Variants in AGL observed in about 807,000 individuals in gnomAD.
The protein encoded by AGL is glycogen debranching enzyme.
Under a neutral mutation model 199.3 loss-of-function variants are expected in AGL, and 128 were observed. The ratio of observed to expected loss-of-function variants is 0.64; its 90% CI spans 0.56 to 0.74. AGL has a LOEUF of 0.74. Ranked by LOEUF, AGL falls within the 30% of genes least tolerant of loss-of-function variation. AGL has a pLI of 0.00. For missense variants in AGL, 1,809 were observed against 1,820.8 expected, an observed-to-expected ratio of 0.99 and a Z score of 0.12; for synonymous variants, 584 against 594.7, an observed-to-expected ratio of 0.98 and a Z score of 0.26.
At chr1:99,857,847 A>AGAGGGAGACCGTGGGGAGGGGGTGGGGGG (rs1557743553) in intron 2 of AGL, among the ~76,000 whole-genome samples, 5 of 8,226 alleles carry the variant, frequency 6.1e-4, no homozygotes, top group African/African-American at 9.6e-4. Flanking sequence ...GGGGAGGGGG[A>AGAGGGAGACCGTGGGGAGGGGGTGGGGGG]GGGGGGAAGA....
intron 7 of AGL, among the ~76,000 whole-genome samples, chr1:99,871,849 AAT>A (rs1337140318): frequency 6.6e-6 from 1 of 152,164 alleles, no homozygotes; most frequent in Non-Finnish European, 1.5e-5. Context: ...TGTGTAAGAA[AAT>A]AGAATGTATG....
At position 99,921,658 on chromosome 1, in the gene AGL, A is replaced by T. The variant is rs1408655509; in HGVS notation, c.*7A>T. On this transcript the variant is annotated 3_prime_UTR_variant, in exon 34 of 34. Transcript: ENST00000361915. The stretch of plus-strand genomic sequence containing the variant: ...GACACTTTATGATTTATAGTTTATT[A>T]CAGATATTAAGTATGCAATTACTTG... 2 of 1,575,428 alleles carry T rather than the reference A, an allele frequency of 1.3e-6. No homozygotes were observed. Among genetic ancestry groups the T allele is most frequent in the South Asian group, 1.1e-5 (1 of 90,140 alleles).
At chr1:99,887,893 A>G (rs890302865) in intron 20 of AGL, 85 bp from the exon 21 acceptor site, 21 of 1,476,282 alleles carry the variant, frequency 1.4e-5, no homozygotes, top group African/African-American at 2.8e-5. Flanking sequence ...ACATTTTATG[A>G]TTGTAATTCA....
Position 99,896,624 on chromosome 1 carries a change from G to A in AGL, c.3362+236G>A, listed in dbSNP as rs4908034. Among the ~76,000 whole-genome samples the A allele has an allele frequency of 0.14, 20,637 of 152,032 alleles. 1,496 individuals carry two copies. The highest frequency in any genetic ancestry group is 0.18 in the Middle Eastern group (53 of 292). ...CATATTACAAGTCAGGTTATCTTTAGCATTAGCTAATTTATTTCAACAAAA... is the reference window on the plus strand; with the variant it reads ...CATATTACAAGTCAGGTTATCTTTAACATTAGCTAATTTATTTCAACAAAA... On this transcript the variant is annotated intron_variant, in intron 25 of 33. Transcript: ENST00000361915.
rs185366087 is a variant in AGL at position 99,919,538 on chromosome 1, A to G, written c.4482-1996A>G. ...AGCACATGGTGTATTTATTATTACTATGACCCCCAGTAGATAGGGCTAGGG... is the reference window on the plus strand; with the variant it reads ...AGCACATGGTGTATTTATTATTACTGTGACCCCCAGTAGATAGGGCTAGGG... On this transcript the variant is annotated intron_variant, in intron 33 of 33. Transcript: ENST00000361915. Among the ~76,000 whole-genome samples the G allele has an allele frequency of 5.4e-4, 83 of 152,318 alleles. No individual in the cohort carries two copies. The East Asian group carries it at 0.015, about 27-fold the overall frequency.
chr1:99,886,484 C>T (rs1401295367), intron 20 of AGL, among the ~76,000 whole-genome samples: 1 of 107,584 alleles, frequency 9.3e-6, no homozygotes, highest in African/African-American at 3.1e-5. Flanking sequence ...GACCCTGTCT[C>T]TAGAAAAAAA....
chr1:99,861,217 G>A, intron 2 of AGL: 3 of 1,275,672 alleles, frequency 2.4e-6, no homozygotes, highest in Non-Finnish European at 3.0e-6. Flanking sequence ...GGTTGTATAA[G>A]AATTTGCACA....
intron 27 of AGL, among the ~76,000 whole-genome samples, chr1:99,907,000 T>C (rs1217514414): frequency 6.6e-6 from 1 of 152,198 alleles, no homozygotes; most frequent in African/African-American, 2.4e-5. Context: ...TTCAAATTTC[T>C]CTGCAACTTT....
intron 5 of AGL, 91 bp downstream of exon 5, chr1:99,864,680 G>T: frequency 8.2e-7 from 1 of 1,215,918 alleles, no homozygotes; most frequent in Non-Finnish European, 1.2e-6. Flanking sequence ...AAGAAAGAAA[G>T]AGAAAGGAAA....
At chr1:99,893,746 G>C (rs1402678908) in intron 24 of AGL, among the ~76,000 whole-genome samples, 1 of 152,142 alleles carries the variant, frequency 6.6e-6, no homozygotes, top group African/African-American at 2.4e-5. Context: ...ACAAATAGAA[G>C]TGTGATATTT....
At position 99,891,735 on chromosome 1, in the gene AGL, T is replaced by G; in HGVS notation, c.3079T>G (p.Ser1027Ala). The change falls in exon 23 of 34, where the codon TCA becomes GCA. Residue 1027 changes from serine to alanine, a missense_variant. By Grantham distance (99) the Ser-to-Ala change is moderately conservative. Coordinates refer to ENST00000361915, the MANE Select transcript of AGL (RefSeq NM_000642.3). Reference sequence around the variant, plus strand: ...TCTGGATACAGCATGGAAGCAGATGTCAAGGTATATCCAACAAAGCTTGAA... The same window carrying G: ...TCTGGATACAGCATGGAAGCAGATGGCAAGGTATATCCAACAAAGCTTGAA... ...TLLDTAWKQMSSFVQNGSTFV... is the reference protein window; with the variant it reads ...TLLDTAWKQMASFVQNGSTFV... 6.2e-7 allele frequency: 1 copy of G among 1,613,466 alleles called. No individual in the cohort carries two copies. Among genetic ancestry groups the G allele is most frequent in the Non-Finnish European group, 8.5e-7 (1 of 1,179,564 alleles).
At chr1:99,910,995 A>AT in intron 28 of AGL, 148 bp downstream of exon 28, 1 of 799,308 alleles carries the variant, frequency 1.3e-6, no homozygotes, top group Non-Finnish European at 2.0e-6. Flanking sequence ...CCCATTATAC[A>AT]TTTACACAAT....
intron 2 of AGL, 25 bp downstream of exon 2, chr1:99,851,149 G>A (rs756251291): frequency 2.5e-6 from 4 of 1,581,282 alleles, no homozygotes; most frequent in Admixed American, 1.7e-5. Flanking sequence ...GTTTTGATTT[G>A]CTCATTTGCG....
Position 99,921,893 on chromosome 1 carries a change from C to T in AGL, c.*242C>T. 3.3e-6 allele frequency: 1 copy of T among 302,900 alleles called. No individual in the cohort carries two copies. The highest frequency in any genetic ancestry group is 6.0e-6 in the Non-Finnish European group (1 of 166,328). 18.8% of individuals were successfully genotyped at this position (302,900 alleles called of 1,614,324 possible). On this transcript the variant is annotated 3_prime_UTR_variant, in exon 34 of 34. Transcript: ENST00000361915. The stretch of plus-strand genomic sequence containing the variant: ...GTGTTTGAGTTCAGTAAGAATTATT[C>T]AAATGCCTAGAAATCCATAGTTTGG...
chr1:99,869,662 T>G (rs1329592227), intron 5 of AGL, among the ~76,000 whole-genome samples: 1 of 152,226 alleles, frequency 6.6e-6, no homozygotes, highest in Non-Finnish European at 1.5e-5. Context: ...TAGAACAATT[T>G]CTGGTATGTG....
upstream of AGL, chr1:99,850,110 C>A (rs1441090625): frequency 6.6e-6 from 1 of 152,380 alleles, no homozygotes; most frequent in Non-Finnish European, 1.5e-5. Context: ...AGGTACGGTC[C>A]GCTCCCACCT....
chr1:99,896,665 C>T (rs993689987), intron 25 of AGL, among the ~76,000 whole-genome samples: 1 of 152,082 alleles, frequency 6.6e-6, no homozygotes, highest in Non-Finnish European at 1.5e-5. Context: ...AATGTTATAA[C>T]CTTTTTATGC....
At chr1:99,865,908 C>T (rs1157708703) in intron 5 of AGL, among the ~76,000 whole-genome samples, 1 of 152,104 alleles carries the variant, frequency 6.6e-6, no homozygotes, top group Non-Finnish European at 1.5e-5. Flanking sequence ...ACCTAGAAAC[C>T]AAGCCTCCAG....
chr1:99,879,983 A>G lies in AGL; in HGVS notation c.1672A>G (p.Thr558Ala), dbSNP rs1651875289. The G allele has an allele frequency of 1.2e-6, 2 of 1,613,674 alleles. No homozygotes were observed. Among genetic ancestry groups the G allele is most frequent in the South Asian group, 2.2e-5 (2 of 91,084 alleles). Residue 558 changes from threonine (T) to alanine (A), a missense_variant, in exon 13 of 34, where the codon ACA becomes GCA. Thr to Ala is a moderately conservative substitution (Grantham distance 58). Transcript: ENST00000361915. ...TTTATATGTAGTAGCTGAACTGTTC[A>G]CAGGAAGTGAAGATCTGGACAATGT... The part of the protein sequence containing the change: ...PNLYVVAELF[T>A]GSEDLDNVFV...
Sources: allele counts gnomAD v4.1 joint callset (sites outside exome capture counted in the v4.1 genomes callset), GRCh38; gene constraint gnomAD v4.1.1; transcripts MANE v1.5; gene names NCBI Gene and HGNC (gene_info 2026-07-23, HGNC 2026-07-21).